EPHA6: variants seen among roughly 807,000 people sequenced by gnomAD.
EPHA6 encodes the protein ephrin type-A receptor 6.
A neutral mutation model predicts 112.0 loss-of-function variants in EPHA6; 50 were observed. The observed-to-expected ratio is 0.45, with a 90% confidence interval of 0.36 to 0.56. The LOEUF is 0.56. EPHA6 is among the 20% of genes least tolerant of loss of function. The pLI, the probability that EPHA6 is intolerant of heterozygous loss-of-function variation, is 0.00. For missense variants in EPHA6, 1,280 were observed against 1,417.4 expected (o/e 0.90, Z 1.56); for synonymous variants, 529 against 490.7 (o/e 1.08, Z -1.03).
intron 5 of EPHA6, among the ~76,000 whole-genome samples, chr3:97,389,656 C>T (rs1327585507): frequency 6.6e-6 from 1 of 152,014 alleles, no homozygotes. Context: ...TAATTTAGAA[C>T]ATAAAATGAA....
intron 5 of EPHA6, among the ~76,000 whole-genome samples, chr3:97,373,519 A>C (rs1272890233): frequency 6.6e-6 from 1 of 152,158 alleles, no homozygotes; most frequent in Non-Finnish European, 1.5e-5. Context: ...AGGTAAGATT[A>C]GAATATTATT....
intron 1 of EPHA6, among the ~76,000 whole-genome samples, chr3:96,865,694 CAA>C (rs57565102): frequency 0.028 from 2,295 of 82,040 alleles, 49 homozygotes; most frequent in African/African-American, 0.084. Context: ...AAAAAACAAA[CAA>C]AAAAAAAAAA....
At chr3:97,372,920 G>C (rs1311562707) in intron 5 of EPHA6, among the ~76,000 whole-genome samples, 2 of 152,076 alleles carry the variant, frequency 1.3e-5, no homozygotes, top group African/African-American at 4.8e-5. Context: ...TTCCTGAAAA[G>C]TTTGTGTTTT....
At chr3:96,913,161 TACACACACACACACACACACACACAC>T (rs768422240) in intron 2 of EPHA6, among the ~76,000 whole-genome samples, 1 of 123,166 alleles carries the variant, frequency 8.1e-6, no homozygotes, top group African/African-American at 3.0e-5. Context: ...AGACCCCGTC[TACACACACACACACACACACACACAC>T]ACACACACAC....
intron 3 of EPHA6, among the ~76,000 whole-genome samples, chr3:97,066,823 A>G (rs759231602): frequency 1.3e-4 from 20 of 152,320 alleles, no homozygotes; most frequent in South Asian, 8.3e-4. Flanking sequence ...TGAGCACTAA[A>G]TGTTCCTTGA....
chr3:97,291,995 G>T (rs576000325), intron 5 of EPHA6, among the ~76,000 whole-genome samples: 1 of 152,208 alleles, frequency 6.6e-6, no homozygotes, highest in African/African-American at 2.4e-5. Flanking sequence ...GAGCAGTGGG[G>T]GGTATGTGAG....
intron 5 of EPHA6, among the ~76,000 whole-genome samples, chr3:97,248,972 C>T (rs1176325644): frequency 2.6e-5 from 4 of 151,768 alleles, no homozygotes; most frequent in African/African-American, 9.7e-5. Flanking sequence ...GAACATCTCT[C>T]ACAGTCCTCA....
chr3:97,155,762 G>A (rs776910180), intron 3 of EPHA6, among the ~76,000 whole-genome samples: 44 of 152,176 alleles, frequency 2.9e-4, no homozygotes, highest in Middle Eastern at 3.4e-3. Context: ...TTAGCTCCTC[G>A]AGGACTCCCA....
At chr3:97,077,166 T>G (rs1300940076) in intron 3 of EPHA6, among the ~76,000 whole-genome samples, 1 of 152,124 alleles carries the variant, frequency 6.6e-6, no homozygotes, top group Non-Finnish European at 1.5e-5. Flanking sequence ...AATTGAAAAC[T>G]TCCTGGAAAA....
At chr3:97,585,154 G>C (rs2093476672) in intron 11 of EPHA6, among the ~76,000 whole-genome samples, 1 of 152,044 alleles carries the variant, frequency 6.6e-6, no homozygotes, top group Non-Finnish European at 1.5e-5. Flanking sequence ...TGTAGCGAAT[G>C]GAATAAAAAT....
intron 2 of EPHA6, among the ~76,000 whole-genome samples, chr3:96,961,309 A>G (rs1217744188): frequency 6.6e-6 from 1 of 152,216 alleles, no homozygotes; most frequent in Non-Finnish European, 1.5e-5. Context: ...AACCTTATCC[A>G]TCTGTCACTT....
intron 7 of EPHA6, chr3:97,466,172 C>G: frequency 3.0e-6 from 2 of 675,492 alleles, no homozygotes. Context: ...ATTTCCACTC[C>G]ATTTCACCCT....
At chr3:96,914,386 A>G (rs1440768016) in intron 2 of EPHA6, among the ~76,000 whole-genome samples, 1 of 152,190 alleles carries the variant, frequency 6.6e-6, no homozygotes, top group Non-Finnish European at 1.5e-5. Flanking sequence ...ACCGTTAGTA[A>G]ATATTATCAT....
chr3:97,095,723 A>C (rs1426321421), intron 3 of EPHA6, among the ~76,000 whole-genome samples: 1 of 151,914 alleles, frequency 6.6e-6, no homozygotes. Context: ...TAGTTCACAA[A>C]CTTTGTTGTG....
intron 3 of EPHA6, among the ~76,000 whole-genome samples, chr3:97,027,100 A>T (rs1307150504): frequency 5.9e-5 from 9 of 152,352 alleles, no homozygotes; most frequent in Admixed American, 2.6e-4. Context: ...ATGGAATACA[A>T]CGTAGCCATA....
At chr3:96,983,290 T>C (rs1001957759) in intron 2 of EPHA6, among the ~76,000 whole-genome samples, 2 of 152,182 alleles carry the variant, frequency 1.3e-5, no homozygotes, top group Admixed American at 6.5e-5. Context: ...TGTAAAGTAT[T>C]TTATTTCTCC....
chr3:97,532,311 G>T (rs1036487471), intron 10 of EPHA6, 47 bp from the exon 11 acceptor site: 3 of 1,522,932 alleles, frequency 2.0e-6, no homozygotes, highest in South Asian at 2.5e-5. Flanking sequence ...CTTCTGAAAT[G>T]TAAGTGTTCG....
chr3:97,739,772 A>G (rs1449348441), intron 16 of EPHA6, among the ~76,000 whole-genome samples: 1 of 152,146 alleles, frequency 6.6e-6, no homozygotes, highest in East Asian at 1.9e-4. Flanking sequence ...TATTATAAGT[A>G]TAACCCTAAA....
At chr3:97,688,969 G>T (rs2032459500) in intron 14 of EPHA6, among the ~76,000 whole-genome samples, 1 of 152,008 alleles carries the variant, frequency 6.6e-6, no homozygotes, top group Non-Finnish European at 1.5e-5. Context: ...TATAGATTAT[G>T]CCTATCATTA....
Sources: allele counts gnomAD v4.1 joint callset (sites outside exome capture counted in the v4.1 genomes callset), GRCh38; gene constraint gnomAD v4.1.1; transcripts MANE v1.5; gene names NCBI Gene and HGNC (gene_info 2026-07-23, HGNC 2026-07-21).